RAD51B: variants seen among roughly 807,000 people sequenced by gnomAD.
RAD51B encodes RAD51 paralog B.
Under a neutral mutation model 42.2 loss-of-function variants are expected in RAD51B, and 38 were observed. The ratio of observed to expected loss-of-function variants is 0.90; its 90% CI spans 0.70 to 1.18. The LOEUF is 1.18. Ranked by LOEUF, RAD51B falls within the 50% of genes most tolerant of loss-of-function variation. The probability of loss-of-function intolerance (pLI) is 0.00; values close to 1 mark genes in which losing one functional copy is unlikely to be tolerated. For missense variants in RAD51B, 373 were observed against 400.7 expected (o/e 0.93, Z 0.59); for synonymous variants, 154 against 145.2 (o/e 1.06, Z -0.43).
intron 7 of RAD51B, among the ~76,000 whole-genome samples, chr14:67,892,517 A>G (rs1246676699): frequency 2.0e-5 from 3 of 152,184 alleles, no homozygotes; most frequent in Admixed American, 6.5e-5. Context: ...TGGGTTACTC[A>G]TATCCAGCCA....
chr14:68,391,220 T>G (rs545611965), intron 8 of RAD51B, among the ~76,000 whole-genome samples: 1 of 152,106 alleles, frequency 6.6e-6, no homozygotes, highest in South Asian at 2.1e-4. Context: ...TAGCATTTCT[T>G]TTTCACATTG....
At chr14:68,049,333 G>A (rs1171303706) in intron 7 of RAD51B, among the ~76,000 whole-genome samples, 4 of 152,144 alleles carry the variant, frequency 2.6e-5, no homozygotes, top group Non-Finnish European at 5.9e-5. Flanking sequence ...TTGTGCACAT[G>A]TACCCTAGAA....
At chr14:67,838,375 G>A (rs772960807) in intron 4 of RAD51B, among the ~76,000 whole-genome samples, 107 of 151,874 alleles carry the variant, frequency 7.0e-4, no homozygotes, top group Non-Finnish European at 9.1e-4. Context: ...GTTAACGGTG[G>A]GTGGATGTGG....
intron 8 of RAD51B, among the ~76,000 whole-genome samples, chr14:68,348,801 A>T (rs187737761): frequency 7.6e-4 from 116 of 152,324 alleles, no homozygotes; most frequent in African/African-American, 2.6e-3. Flanking sequence ...CAGGAGGCTG[A>T]GGCAGGAGAA....
At chr14:68,308,069 C>A (rs1242279781) in intron 8 of RAD51B, among the ~76,000 whole-genome samples, 3 of 151,978 alleles carry the variant, frequency 2.0e-5, no homozygotes, top group Non-Finnish European at 4.4e-5. Flanking sequence ...CATGCTAGAG[C>A]CTTTGATTGG....
At chr14:67,872,065 A>G (rs1376663462) in intron 5 of RAD51B, among the ~76,000 whole-genome samples, 167 of 146,486 alleles carry the variant, frequency 1.1e-3, no homozygotes, top group Middle Eastern at 3.4e-3. Context: ...TCTATTTAAC[A>G]TAGTGTTGGA....
At chr14:68,454,780 A>T (rs1594862060) in intron 9 of RAD51B, among the ~76,000 whole-genome samples, 1 of 152,358 alleles carries the variant, frequency 6.6e-6, no homozygotes, top group South Asian at 2.1e-4. Context: ...GCTCACCATC[A>T]TGGCTGCCCA....
chr14:68,244,046 T>C (rs1053649200), intron 7 of RAD51B, among the ~76,000 whole-genome samples: 1 of 152,222 alleles, frequency 6.6e-6, no homozygotes, highest in Admixed American at 6.5e-5. Context: ...CAACCAGTGT[T>C]ATCTGTTAAA....
At chr14:68,031,304 A>G (rs1195062948) in intron 7 of RAD51B, among the ~76,000 whole-genome samples, 1 of 152,184 alleles carries the variant, frequency 6.6e-6, no homozygotes, top group African/African-American at 2.4e-5. Flanking sequence ...AGAACAGTAT[A>G]GGAGAAACCA....
At chr14:68,091,211 A>G (rs1262743753) in intron 7 of RAD51B, among the ~76,000 whole-genome samples, 3 of 152,198 alleles carry the variant, frequency 2.0e-5, no homozygotes, top group African/African-American at 7.2e-5. Context: ...CTTTGGGTAT[A>G]TACCCAGTAA....
intron 7 of RAD51B, chr14:68,236,686 A>C (rs2080264981): frequency 6.6e-6 from 1 of 152,206 alleles, no homozygotes; most frequent in South Asian, 2.1e-4. Flanking sequence ...AGACTTTTTA[A>C]TGAGGTCTGA....
chr14:68,048,573 A>C (rs2076340668), intron 7 of RAD51B, among the ~76,000 whole-genome samples: 1 of 152,152 alleles, frequency 6.6e-6, no homozygotes, highest in African/African-American at 2.4e-5. Flanking sequence ...TTATGGTTTT[A>C]GGTCTAACAT....
chr14:68,342,281 G>A (rs1445013237), intron 8 of RAD51B, among the ~76,000 whole-genome samples: 1 of 152,094 alleles, frequency 6.6e-6, no homozygotes, highest in Non-Finnish European at 1.5e-5. Context: ...GCTTATATTA[G>A]GAAAGAAAAA....
intron 7 of RAD51B, among the ~76,000 whole-genome samples, chr14:68,261,945 G>A (rs1335685338): frequency 6.6e-6 from 1 of 152,134 alleles, no homozygotes; most frequent in Non-Finnish European, 1.5e-5. Context: ...CAGGGAAGGG[G>A]GCTGAGAGAG....
At chr14:68,668,392 C>A (rs749400747) in intron 11 of RAD51B, among the ~76,000 whole-genome samples, 1 of 152,214 alleles carries the variant, frequency 6.6e-6, no homozygotes, top group African/African-American at 2.4e-5. Context: ...GATACCTGCT[C>A]ATCGAAAACC....
At chr14:68,664,162 G>A (rs1047065136) in intron 11 of RAD51B, among the ~76,000 whole-genome samples, 5 of 152,148 alleles carry the variant, frequency 3.3e-5, no homozygotes, top group African/African-American at 1.2e-4. Context: ...TAGCTAGAGA[G>A]GCAGTCAATT....
rs571635036 is a variant in RAD51B, at chr14:68,633,374, T to C, written c.1037-17407T>C. Among the ~76,000 whole-genome samples the C allele has an allele frequency of 1.4e-3, 218 of 152,150 alleles. 1 individual carries two copies. The highest frequency in any genetic ancestry group is 2.1e-3 in the South Asian group (10 of 4,816). The stretch of plus-strand genomic sequence containing the variant: ...GCTCGGATGCATATTTTTTATGTGA[T>C]TTCTTAAAATTCAAGCAGGAGAATA... On this transcript the variant is annotated intron_variant, in intron 10 of 11. Transcript: ENST00000488612.
intron 7 of RAD51B, among the ~76,000 whole-genome samples, chr14:68,232,136 T>C (rs1322241997): frequency 6.6e-6 from 1 of 152,178 alleles, no homozygotes; most frequent in African/African-American, 2.4e-5. Context: ...AAATATTACA[T>C]GTTAAACAGC....
chr14:67,985,216 C>T (rs1436620564), intron 7 of RAD51B, among the ~76,000 whole-genome samples: 1 of 152,204 alleles, frequency 6.6e-6, no homozygotes, highest in Non-Finnish European at 1.5e-5. Flanking sequence ...TCCTCCTTGT[C>T]TTCTAATACA....
Sources: gnomAD v4.1 joint callset for allele counts (sites outside exome capture counted in the v4.1 genomes callset) on GRCh38, gnomAD v4.1.1 for gene constraint, MANE v1.5 for transcripts, NCBI Gene and HGNC (gene_info 2026-07-23, HGNC 2026-07-21) for gene names.